DGKH: variants seen among roughly 807,000 people sequenced by gnomAD.
The protein encoded by DGKH is DAG kinase eta.
DGKH carries 90 observed loss-of-function variants against 159.3 expected under a neutral mutation model. That is an observed-to-expected ratio of 0.57 (90% CI 0.48 to 0.67). The LOEUF (loss-of-function observed/expected upper bound fraction) is 0.67. DGKH is among the 30% of genes least tolerant of loss of function. The probability of loss-of-function intolerance (pLI) is 0.00; values close to 1 mark genes in which losing one functional copy is unlikely to be tolerated. For synonymous variants in DGKH, 536 were observed against 553.8 expected (o/e 0.97, Z 0.45); for missense variants, 1,181 against 1,506.1 (o/e 0.78, Z 3.57).
At position 42,085,316 on chromosome 13, in the gene DGKH, C is replaced by G. The variant is rs115598112; in HGVS notation, c.192+36351C>G. On this transcript the variant is annotated intron_variant, in intron 1 of 29. Coordinates refer to ENST00000337343, the MANE Select transcript of DGKH (RefSeq NM_178009.5). ...TTATGGATTCCCTTTCTCCCTTCCC[C>G]CTATGCTTCTCTCTCCCCAAAATGG... 7.2e-5 allele frequency among the ~76,000 whole-genome samples: 11 copies of G among 152,246 alleles called. No individual in the cohort carries two copies. In the East Asian group the frequency reaches 1.9e-3, roughly 27 times the overall value.
intron 21 of DGKH, among the ~76,000 whole-genome samples, chr13:42,206,953 A>G (rs1957488959): frequency 1.5e-5 from 2 of 133,790 alleles, no homozygotes; most frequent in Admixed American, 1.6e-4. Flanking sequence ...TGCCTACCAC[A>G]ATACCTTTTG....
chr13:42,070,118 T>C, intron 1 of DGKH: 1 of 962,694 alleles, frequency 1.0e-6, no homozygotes. Flanking sequence ...GAAATTGGCT[T>C]ATCCATTGGA....
At chr13:42,047,897 GC>G (rs1167421098), upstream of DGKH, among the ~76,000 whole-genome samples, 4 of 152,152 alleles carry the variant, frequency 2.6e-5, no homozygotes, top group Admixed American at 6.5e-5. Flanking sequence ...TCTTGTTTCT[GC>G]GCTTTCTCCA....
chr13:42,178,342 A>G (rs772997429), intron 13 of DGKH, 122 bp downstream of exon 13: 3 of 677,130 alleles, frequency 4.4e-6, no homozygotes, highest in Non-Finnish European at 7.0e-6. Context: ...AGCTTATAAA[A>G]TTAGATGTAC....
Position 42,221,411 on chromosome 13 carries a change from CTTCTG to C in DGKH, c.3573+22_3573+26del, listed in dbSNP as rs773035833. The C allele has an allele frequency of 3.1e-6, 5 of 1,609,404 alleles. No homozygotes were observed. Among genetic ancestry groups the C allele is most frequent in the Admixed American group, 1.7e-5 (1 of 59,006 alleles). On this transcript the variant is annotated intron_variant, in intron 29 of 29. Transcript: ENST00000337343. ...GATCTTAAGGTATTTCCTTTGTGCT[CTTCTG>C]TTCTTGAAAATTTTATTGCAAAACA...
chr13:42,202,468 G>A (rs1007639978), intron 20 of DGKH, among the ~76,000 whole-genome samples: 3 of 152,142 alleles, frequency 2.0e-5, no homozygotes, highest in South Asian at 2.1e-4. Context: ...GGTATGGAAC[G>A]AGGCTGACTT....
intron 1 of DGKH, among the ~76,000 whole-genome samples, chr13:42,112,650 T>A (rs762346835): frequency 2.0e-5 from 3 of 152,198 alleles, no homozygotes; most frequent in Non-Finnish European, 4.4e-5. Flanking sequence ...AGGGAAATGT[T>A]TTGTGATATT....
At chr13:42,121,116 A>G (rs1196761462) in intron 1 of DGKH, among the ~76,000 whole-genome samples, 5 of 144,842 alleles carry the variant, frequency 3.5e-5, no homozygotes, top group South Asian at 2.2e-4. Context: ...ACACACACGC[A>G]CACAAGACAT....
intron 15 of DGKH, among the ~76,000 whole-genome samples, chr13:42,189,791 C>T (rs182653836): frequency 1.5e-3 from 226 of 152,162 alleles, no homozygotes; most frequent in Non-Finnish European, 3.0e-3. Context: ...CTCAGCCTCC[C>T]GAGTAGTTGG....
Position 42,206,020 on chromosome 13 carries a change from T to C in DGKH, c.2494-19T>C, listed in dbSNP as rs1322413651. The C allele has an allele frequency of 7.5e-7, 1 of 1,332,622 alleles. No homozygotes were observed. The highest frequency in any genetic ancestry group is 9.7e-7 in the Non-Finnish European group (1 of 1,032,012). 82.5% of individuals were successfully genotyped at this position (1,332,622 alleles called of 1,614,324 possible). ...TTTTTATCTAATCTCTACTTTTTTT[T>C]TTTTTTTTTACCTTACAGTGTGATG... On this transcript the variant is annotated intron_variant, in intron 20 of 29. Transcript: ENST00000337343.
intron 1 of DGKH, among the ~76,000 whole-genome samples, chr13:42,072,436 T>G (rs1364840764): frequency 6.6e-6 from 1 of 152,180 alleles, no homozygotes; most frequent in Non-Finnish European, 1.5e-5. Flanking sequence ...ACATATTGGT[T>G]CTTAAAAGAG....
chr13:42,082,090 A>G (rs901542026), intron 1 of DGKH, among the ~76,000 whole-genome samples: 5 of 151,936 alleles, frequency 3.3e-5, no homozygotes, highest in Admixed American at 6.6e-5. Context: ...CCTCATTGCT[A>G]TCCTCATTCC....
At chr13:42,127,409 A>T in intron 1 of DGKH, 54 bp from the exon 2 acceptor site, 1 of 1,318,882 alleles carries the variant, frequency 7.6e-7, no homozygotes, top group Non-Finnish European at 1.1e-6. Context: ...TCTGAATTTC[A>T]TTTGGTTTTG....
chr13:42,144,579 C>T (rs1367481219), intron 3 of DGKH, among the ~76,000 whole-genome samples: 3 of 151,524 alleles, frequency 2.0e-5, no homozygotes, highest in Non-Finnish European at 4.4e-5. Context: ...TCCAGCTACT[C>T]AGGAGGCAGA....
chr13:42,256,480 A>C, exon 31 of DGKH: 1 of 1,245,070 alleles, frequency 8.0e-7, no homozygotes, highest in Non-Finnish European at 1.2e-6. Flanking sequence ...GCTATCTCAC[A>C]CCAGAACAGT....
intron 23 of DGKH, among the ~76,000 whole-genome samples, 168 bp downstream of exon 23, chr13:42,209,633 T>C (rs921679405): frequency 6.6e-6 from 1 of 152,208 alleles, no homozygotes; most frequent in African/African-American, 2.4e-5. Context: ...TAGGAGTTTA[T>C]TTTTTAGAGC....
Position 42,221,490 on chromosome 13 carries a change from A to T in DGKH, c.3573+96A>T. 6.7e-6 allele frequency: 10 copies of T among 1,498,318 alleles called. No individual in the cohort carries two copies. The South Asian group carries it at 1.3e-4, about 19-fold the overall frequency. 92.8% of individuals were successfully genotyped at this position (1,498,318 alleles called of 1,614,324 possible). ...CTGATACTTGCTTTTAGCTTCGCTT[A>T]TGTCATGCAAATGTGTAGTAACCTA... On this transcript the variant is annotated intron_variant, in intron 29 of 29. Coordinates refer to ENST00000337343, the MANE Select transcript of DGKH (RefSeq NM_178009.5).
intron 11 of DGKH, among the ~76,000 whole-genome samples, chr13:42,170,302 C>A (rs1483836066): frequency 6.6e-6 from 1 of 152,156 alleles, no homozygotes; most frequent in Non-Finnish European, 1.5e-5. Flanking sequence ...AATCCCAACA[C>A]TTTGGAAGGC....
chr13:42,198,198 T>G (rs748262614), intron 17 of DGKH, among the ~76,000 whole-genome samples: 1 of 152,226 alleles, frequency 6.6e-6, no homozygotes, highest in Admixed American at 6.5e-5. Context: ...ATAGAATTAT[T>G]GGGATGGTAA....
Sources: gnomAD v4.1 joint callset for allele counts (sites outside exome capture counted in the v4.1 genomes callset) on GRCh38, gnomAD v4.1.1 for gene constraint, MANE v1.5 for transcripts, NCBI Gene and HGNC (gene_info 2026-07-23, HGNC 2026-07-21) for gene names.